FAM210A: variants seen among roughly 807,000 people sequenced by gnomAD.
FAM210A encodes family with sequence similarity 210 member A.
Under a neutral mutation model 25.3 loss-of-function variants are expected in FAM210A, and 13 were observed. The observed-to-expected ratio is 0.51, with a 90% CI of 0.33 to 0.82. The LOEUF (loss-of-function observed/expected upper bound fraction) is 0.82, where lower values mean the gene tolerates loss of function less well. Among genes scored for constraint, FAM210A ranks in the 40% least tolerant of loss-of-function variants. FAM210A has a pLI of 0.02. For missense variants in FAM210A, 319 were observed against 323.2 expected (o/e 0.99, Z 0.10); for synonymous variants, 125 against 118.7 (o/e 1.05, Z -0.35).
chr18:13,671,992 A>G lies in FAM210A; in HGVS notation c.474-19T>C, dbSNP rs780773939. 2.8e-5 allele frequency: 41 copies of G among 1,489,186 alleles called. No homozygotes were observed. The highest frequency in any genetic ancestry group is 3.5e-5 in the Non-Finnish European group (38 of 1,074,280). The allele number at this position is 1,489,186 out of a possible 1,614,324, so 92.2% of individuals were successfully genotyped here. On this transcript the variant is annotated intron_variant, in intron 2 of 3. Coordinates refer to ENST00000651643, the MANE Select transcript of FAM210A (RefSeq NM_152352.4). ...CACTCCTCTACAAAAAAAAAAAAGTAATTTTCATATGTACAAACTTTTAAT... is the reference window on the plus strand; with the variant it reads ...CACTCCTCTACAAAAAAAAAAAAGTGATTTTCATATGTACAAACTTTTAAT...
At chr18:13,667,355 C>G (rs2043408623) in intron 3 of FAM210A, among the ~76,000 whole-genome samples, 1 of 152,100 alleles carries the variant, frequency 6.6e-6, no homozygotes, top group Admixed American at 6.5e-5. Flanking sequence ...CTTTTAGGAC[C>G]AATACTAAAT....
chr18:13,698,560 G>GC (rs1049110863), intron 1 of FAM210A, among the ~76,000 whole-genome samples: 19 of 151,724 alleles, frequency 1.3e-4, no homozygotes, highest in South Asian at 4.2e-4. Context: ...GCTTTTGTAA[G>GC]CCCCCCCGCC....
intron 1 of FAM210A, among the ~76,000 whole-genome samples, chr18:13,686,765 TG>T (rs2043600750): frequency 6.6e-6 from 1 of 152,108 alleles, no homozygotes; most frequent in Non-Finnish European, 1.5e-5. Flanking sequence ...ATTAAAGAAA[TG>T]GAATCAAAAA....
At chr18:13,688,068 A>G (rs930375176) in intron 1 of FAM210A, among the ~76,000 whole-genome samples, 1 of 152,210 alleles carries the variant, frequency 6.6e-6, no homozygotes, top group Non-Finnish European at 1.5e-5. Flanking sequence ...AATGTCGATT[A>G]CTAGCTTATC....
chr18:13,677,135 C>T (rs528492138), intron 2 of FAM210A, among the ~76,000 whole-genome samples: 56 of 150,650 alleles, frequency 3.7e-4, no homozygotes, highest in African/African-American at 1.1e-3. Context: ...AGTGCAGTGG[C>T]GCAATCTCGG....
At chr18:13,712,327 A>G (rs773523667) in intron 1 of FAM210A, among the ~76,000 whole-genome samples, 11 of 152,228 alleles carry the variant, frequency 7.2e-5, no homozygotes, top group Non-Finnish European at 1.0e-4. Flanking sequence ...AAAACAACAG[A>G]GCAATTAATG....
At chr18:13,688,921 CAG>C (rs1316364018) in intron 1 of FAM210A, among the ~76,000 whole-genome samples, 1 of 152,258 alleles carries the variant, frequency 6.6e-6, no homozygotes, top group African/African-American at 2.4e-5. Flanking sequence ...CCTGAGTGAG[CAG>C]AGTTTGCTCC....
chr18:13,663,528 A>C lies in FAM210A; in HGVS notation c.*2952T>G, dbSNP rs1409382279. ...TTTGCTCTTATTCCTGAATAAACTAAGTCTCTCACCTAATCCATCTTTCAT... is the reference window on the plus strand; with the variant it reads ...TTTGCTCTTATTCCTGAATAAACTACGTCTCTCACCTAATCCATCTTTCAT... On this transcript the variant is annotated 3_prime_UTR_variant, in exon 4 of 4. Transcript: ENST00000651643. 2 of 152,146 alleles carry C rather than the reference A, an allele frequency of 1.3e-5. No individual in the cohort carries two copies. The highest frequency in any genetic ancestry group is 2.9e-5 in the Non-Finnish European group (2 of 68,034). The allele number at this position is 152,146 out of a possible 1,614,324, so 9.4% of individuals were successfully genotyped here.
intron 1 of FAM210A, among the ~76,000 whole-genome samples, chr18:13,689,592 A>G (rs1786548): frequency 0.89 from 135,547 of 152,196 alleles, 60,465 homozygotes; most frequent in East Asian, 0.95. Context: ...GGCTGGGAAC[A>G]AGGCAAAGAT....
chr18:13,698,367 A>T (rs1030662305), intron 1 of FAM210A, among the ~76,000 whole-genome samples: 6 of 151,394 alleles, frequency 4.0e-5, no homozygotes, highest in Admixed American at 2.6e-4. Flanking sequence ...AAAAAAAAAA[A>T]AAAAATAAGA....
intron 1 of FAM210A, among the ~76,000 whole-genome samples, chr18:13,702,951 T>A (rs975198199): frequency 2.6e-5 from 4 of 151,942 alleles, no homozygotes; most frequent in Admixed American, 6.6e-5. Context: ...AGGACTTTTT[T>A]AAAAAAAAGA....
intron 2 of FAM210A, among the ~76,000 whole-genome samples, chr18:13,674,134 A>T (rs75551492): frequency 0.041 from 2,286 of 56,074 alleles, no homozygotes; most frequent in Middle Eastern, 0.12. Context: ...TCCTGAGCCC[A>T]GGCTTCTTTA....
intron 2 of FAM210A, among the ~76,000 whole-genome samples, chr18:13,677,223 C>T (rs1375800885): frequency 5.3e-5 from 8 of 152,144 alleles, no homozygotes; most frequent in Non-Finnish European, 1.0e-4. Context: ...TACAGGTGCC[C>T]GCCACCACGC....
chr18:13,680,486 T>C (rs2043543146), intron 2 of FAM210A, among the ~76,000 whole-genome samples: 3 of 152,030 alleles, frequency 2.0e-5, no homozygotes. Context: ...TGAAAAAAAA[T>C]CCTTTTAGAA....
At chr18:13,708,350 A>T (rs1033740274) in intron 1 of FAM210A, among the ~76,000 whole-genome samples, 1 of 152,226 alleles carries the variant, frequency 6.6e-6, no homozygotes, top group Non-Finnish European at 1.5e-5. Context: ...TGTGCTTAGC[A>T]ACATAGAAGT....
At chr18:13,672,693 C>A (rs2149052101) in intron 2 of FAM210A, among the ~76,000 whole-genome samples, 1 of 152,322 alleles carries the variant, frequency 6.6e-6, no homozygotes, top group Non-Finnish European at 1.5e-5. Flanking sequence ...CAGGCATGAG[C>A]CACAGTGCCC....
chr18:13,676,079 T>C (rs576647309), intron 2 of FAM210A, among the ~76,000 whole-genome samples: 1 of 147,382 alleles, frequency 6.8e-6, no homozygotes, highest in Admixed American at 6.8e-5. Context: ...CCGTGGTGAC[T>C]TCTTTATTTC....
chr18:13,697,327 T>A (rs2043702949), intron 1 of FAM210A, among the ~76,000 whole-genome samples: 1 of 152,070 alleles, frequency 6.6e-6, no homozygotes, highest in East Asian at 1.9e-4. Context: ...CAGAAAAAGA[T>A]GTTCAATGCC....
intron 1 of FAM210A, among the ~76,000 whole-genome samples, chr18:13,700,454 G>T (rs1460304182): frequency 1.3e-5 from 2 of 152,150 alleles, no homozygotes; most frequent in East Asian, 3.9e-4. Context: ...ATTGGTTAAG[G>T]TGTTTTCCAG....
Sources: allele counts gnomAD v4.1 joint callset (sites outside exome capture counted in the v4.1 genomes callset), GRCh38; gene constraint gnomAD v4.1.1; transcripts MANE v1.5; gene names NCBI Gene and HGNC (gene_info 2026-07-23, HGNC 2026-07-21).